Variants in BTLA observed in about 807,000 individuals in gnomAD.
BTLA encodes the protein B- and T-lymphocyte attenuator.
A neutral mutation model predicts 25.0 loss-of-function variants in BTLA; 11 were observed. That is an observed-to-expected ratio of 0.44 (90% CI 0.28 to 0.73). BTLA has a LOEUF of 0.73. Ranked by LOEUF, BTLA falls within the 30% of genes least tolerant of loss-of-function variation. The probability of loss-of-function intolerance (pLI) is 0.15; values close to 1 mark genes in which losing one functional copy is unlikely to be tolerated. For synonymous variants in BTLA, 104 were observed against 119.8 expected (o/e 0.87, Z 0.86); for missense variants, 282 against 332.8 (o/e 0.85, Z 1.19).
chr3:112,498,360 G>A (rs2082421642), intron 1 of BTLA, among the ~76,000 whole-genome samples: 1 of 151,992 alleles, frequency 6.6e-6, no homozygotes, highest in Non-Finnish European at 1.5e-5. Flanking sequence ...TTGAACCCGG[G>A]AGGCAGAGGA....
intron 1 of BTLA, among the ~76,000 whole-genome samples, chr3:112,491,845 A>G (rs914808431): frequency 1.7e-5 from 1 of 59,504 alleles, no homozygotes; most frequent in Non-Finnish European, 8.8e-5. Flanking sequence ...TCTAGGGATC[A>G]GCAGTGGTGC....
At chr3:112,470,132 G>A (rs898582773) in intron 3 of BTLA, 1 of 194,978 alleles carries the variant, frequency 5.1e-6, no homozygotes, top group Non-Finnish European at 1.0e-5. Context: ...TGTCACCTAT[G>A]TAGCCAAGAT....
chr3:112,495,235 T>C (rs1308952468), intron 1 of BTLA, among the ~76,000 whole-genome samples: 1 of 152,148 alleles, frequency 6.6e-6, no homozygotes, highest in Non-Finnish European at 1.5e-5. Flanking sequence ...ATCCATGGAG[T>C]CTGGCTTTAG....
intron 1 of BTLA, among the ~76,000 whole-genome samples, chr3:112,495,275 A>G (rs2082403307): frequency 1.3e-5 from 2 of 152,218 alleles, no homozygotes; most frequent in African/African-American, 4.8e-5. Context: ...TATACCACAC[A>G]GCTTCTCCAA....
intron 1 of BTLA, among the ~76,000 whole-genome samples, chr3:112,488,537 A>T (rs970365734): frequency 2.0e-5 from 3 of 149,638 alleles, no homozygotes; most frequent in Non-Finnish European, 4.5e-5. Context: ...CAGTAAGTTT[A>T]TGCAAACTTA....
At chr3:112,467,579 T>A (rs1050545501) in intron 4 of BTLA, among the ~76,000 whole-genome samples, 2 of 152,236 alleles carry the variant, frequency 1.3e-5, no homozygotes, top group Non-Finnish European at 2.9e-5. Context: ...TTGTGATGTG[T>A]GCAGTAGGAT....
Position 112,499,433 on chromosome 3 carries a change from G to A in BTLA, c.-75C>T, listed in dbSNP as rs1576697779. 1 of 1,288,380 alleles carries A rather than the reference G, an allele frequency of 7.8e-7. No individual in the cohort carries two copies. The highest frequency in any genetic ancestry group is 2.4e-5 in the East Asian group (1 of 41,762). The allele number at this position is 1,288,380 out of a possible 1,614,324, so 79.8% of individuals were successfully genotyped here. A position where few individuals can be genotyped will look rare whatever the true frequency, so the allele number is the denominator to read the frequency against. On this transcript the variant is annotated 5_prime_UTR_variant, in exon 1 of 5. Coordinates refer to ENST00000334529, the MANE Select transcript of BTLA (RefSeq NM_181780.4). ...TTCGTCTTCTGAGTGCTGCAGAGTTGGGTCAGTTTACCTACCCCAGTGGCA... is the reference window on the plus strand; with the variant it reads ...TTCGTCTTCTGAGTGCTGCAGAGTTAGGTCAGTTTACCTACCCCAGTGGCA...
intron 2 of BTLA, among the ~76,000 whole-genome samples, chr3:112,476,601 T>G (rs2082289799): frequency 6.6e-6 from 1 of 152,222 alleles, no homozygotes; most frequent in Non-Finnish European, 1.5e-5. Flanking sequence ...GGTCAATTTA[T>G]GAGCAACAAA....
Position 112,499,436 on chromosome 3 carries a change from TC to T in BTLA, c.-79del. On this transcript the variant is annotated 5_prime_UTR_variant, in exon 1 of 5. Coordinates refer to ENST00000334529, the MANE Select transcript of BTLA (RefSeq NM_181780.4). ...GTCTTCTGAGTGCTGCAGAGTTGGG[TC>T]AGTTTACCTACCCCAGTGGCATCTG... 8.8e-7 allele frequency: 1 copy of T among 1,136,366 alleles called. No homozygotes were observed. Among genetic ancestry groups the T allele is most frequent in the Non-Finnish European group, 1.3e-6 (1 of 797,776 alleles). 70.4% of individuals were successfully genotyped at this position (1,136,366 alleles called of 1,614,324 possible). A position where few individuals can be genotyped will look rare whatever the true frequency, so the allele number is the denominator to read the frequency against.
intron 1 of BTLA, among the ~76,000 whole-genome samples, chr3:112,497,716 T>C (rs1172219605): frequency 6.6e-6 from 1 of 152,024 alleles, no homozygotes; most frequent in Non-Finnish European, 1.5e-5. Flanking sequence ...CTTTTTTACT[T>C]TGCACTTGGT....
chr3:112,498,568 C>T (rs1300911795), intron 1 of BTLA, among the ~76,000 whole-genome samples: 20 of 83,878 alleles, frequency 2.4e-4, no homozygotes, highest in South Asian at 8.0e-4. Context: ...AAGAAATTGC[C>T]TTTTTTTTTT....
In BTLA at chr3:112,488,707, G is replaced by A. The variant is rs933275447; in HGVS notation, c.89-8938C>T. ...TAGCTCACTGCAACCTCCACCCACC[G>A]GGTTCAAGCAATTCTGCTGCCTCAG... On this transcript the variant is annotated intron_variant, in intron 1 of 4. Transcript: ENST00000334529. Among the ~76,000 whole-genome samples, 13 of 152,264 alleles carry A rather than the reference G, an allele frequency of 8.5e-5. No homozygotes were observed. The East Asian group carries it at 2.3e-3, about 27-fold the overall frequency.
intron 1 of BTLA, among the ~76,000 whole-genome samples, chr3:112,497,601 C>T (rs1019259638): frequency 2.6e-5 from 4 of 152,082 alleles, no homozygotes; most frequent in African/African-American, 9.7e-5. Flanking sequence ...AGCTATGTGA[C>T]TGTAGGCATC....
At chr3:112,478,286 A>G (rs2705555) in intron 2 of BTLA, among the ~76,000 whole-genome samples, 24,708 of 152,038 alleles carry the variant, frequency 0.16, 4,342 homozygotes, top group African/African-American at 0.43. Flanking sequence ...ATTTATTTAC[A>G]TATTCTTGAA....
At chr3:112,493,851 G>A (rs1405798707) in intron 1 of BTLA, among the ~76,000 whole-genome samples, 4 of 151,486 alleles carry the variant, frequency 2.6e-5, no homozygotes, top group South Asian at 4.3e-4. Flanking sequence ...GGTGGCTCAC[G>A]CCTGTAATCC....
intron 1 of BTLA, among the ~76,000 whole-genome samples, chr3:112,485,944 C>G (rs1055537301): frequency 1.3e-5 from 2 of 152,198 alleles, no homozygotes; most frequent in African/African-American, 4.8e-5. Context: ...AACCCCGTCT[C>G]TACTAAAAAT....
Position 112,469,814 on chromosome 3 carries a change from AAAAAG to A in BTLA, c.548-15_548-11del, listed in dbSNP as rs1471364361. Reference sequence around the variant, plus strand: ...AGTTCATTTTGCTTTCCTGGAAGACAAAAAGAAAAAGAAGTAATCAAAAGGAGTAA... The same window carrying A: ...AGTTCATTTTGCTTTCCTGGAAGACAAAAAAGAAGTAATCAAAAGGAGTAA... On this transcript the variant is annotated splice_polypyrimidine_tract_variant and intron_variant, in intron 3 of 4. Coordinates refer to ENST00000334529, the MANE Select transcript of BTLA (RefSeq NM_181780.4). 1 of 1,604,272 alleles carries A rather than the reference AAAAAG, an allele frequency of 6.2e-7. No homozygotes were observed. The highest frequency in any genetic ancestry group is 8.5e-7 in the Non-Finnish European group (1 of 1,176,034).
chr3:112,482,328 T>C (rs1483778221), intron 1 of BTLA, among the ~76,000 whole-genome samples: 2 of 152,216 alleles, frequency 1.3e-5, no homozygotes, highest in African/African-American at 4.8e-5. Context: ...GTAACAGAGA[T>C]GATAGCCAAA....
chr3:112,499,181 G>A (rs1404594115), intron 1 of BTLA, 90 bp downstream of exon 1: 3 of 931,600 alleles, frequency 3.2e-6, no homozygotes, highest in Non-Finnish European at 5.1e-6. Flanking sequence ...TCGTATAAAC[G>A]TTACACCGTA....
Sources: gnomAD v4.1 joint callset for allele counts (sites outside exome capture counted in the v4.1 genomes callset) on GRCh38, gnomAD v4.1.1 for gene constraint, MANE v1.5 for transcripts, NCBI Gene and HGNC (gene_info 2026-07-23, HGNC 2026-07-21) for gene names.